Variants in AGBL4 observed in about 807,000 individuals in gnomAD.
The protein encoded by AGBL4 is cytosolic carboxypeptidase 6.
Under a neutral mutation model 66.4 loss-of-function variants are expected in AGBL4, and 58 were observed. The ratio of observed to expected loss-of-function variants is 0.87; its 90% confidence interval spans 0.71 to 1.09. The LOEUF is 1.09. Among genes scored for constraint, AGBL4 ranks in the 50% least tolerant of loss-of-function variants. The pLI, the probability that AGBL4 is intolerant of heterozygous loss-of-function variation, is 0.00. For missense variants in AGBL4, 579 were observed against 631.0 expected (o/e 0.92, Z 0.88); for synonymous variants, 234 against 222.9 (o/e 1.05, Z -0.44).
In AGBL4 at chr1:49,047,200, A is replaced by G. The variant is rs529544750; in HGVS notation, c.378-1400T>C. On this transcript the variant is annotated intron_variant, in intron 4 of 13. Transcript: ENST00000371839. ...TTGATGCCTGTACATACATTTGATTATATTAAATTTAATTAAATATTCTGG... is the reference window on the plus strand; with the variant it reads ...TTGATGCCTGTACATACATTTGATTGTATTAAATTTAATTAAATATTCTGG... Among the ~76,000 whole-genome samples, 337 of 152,266 alleles carry G rather than the reference A, an allele frequency of 2.2e-3. 1 individual carries two copies. The highest frequency in any genetic ancestry group is 7.9e-3 in the African/African-American group (327 of 41,540).
intron 5 of AGBL4, among the ~76,000 whole-genome samples, chr1:49,027,769 A>G (rs185454002): frequency 6.6e-6 from 1 of 152,286 alleles, no homozygotes; most frequent in Admixed American, 6.5e-5. Context: ...CATAGAATGA[A>G]AACTCTAAAC....
At chr1:49,249,753 AAG>A (rs1651906812) in intron 3 of AGBL4, among the ~76,000 whole-genome samples, 1 of 152,182 alleles carries the variant, frequency 6.6e-6, no homozygotes, top group African/African-American at 2.4e-5. Context: ...CAGTACATCA[AAG>A]AGGTATCTGC....
At chr1:48,943,617 G>A (rs1408583840) in intron 5 of AGBL4, among the ~76,000 whole-genome samples, 1 of 152,208 alleles carries the variant, frequency 6.6e-6, no homozygotes, top group Admixed American at 6.5e-5. Flanking sequence ...AGATGAGTAA[G>A]ACATAATTCC....
chr1:49,647,884 T>C (rs936825150), intron 3 of AGBL4, among the ~76,000 whole-genome samples: 11 of 150,050 alleles, frequency 7.3e-5, no homozygotes, highest in Admixed American at 4.0e-4. Flanking sequence ...TGAGGACTAA[T>C]TGTAGAACTA....
rs908973756 is a variant in AGBL4, at chr1:49,508,740, C to T, written c.282+188573G>A. On this transcript the variant is annotated intron_variant, in intron 3 of 13. Transcript: ENST00000371839. ...ATTTCATCCGTAAAATGAAAATAATCATGACCATCTCACATGATTATTGTG... is the reference window on the plus strand; with the variant it reads ...ATTTCATCCGTAAAATGAAAATAATTATGACCATCTCACATGATTATTGTG... Among the ~76,000 whole-genome samples, 6 of 151,984 alleles carry T rather than the reference C, an allele frequency of 3.9e-5. No homozygotes were observed. The South Asian group carries it at 1.2e-3, about 32-fold the overall frequency.
chr1:48,765,572 C>T lies in AGBL4; in HGVS notation c.634+101619G>A, dbSNP rs147418418. Reference sequence around the variant, plus strand: ...GCAATTCCGCTCCTGGGTGTATATGCAAGATAAATGAAAACATATACCCAA... The same window carrying T: ...GCAATTCCGCTCCTGGGTGTATATGTAAGATAAATGAAAACATATACCCAA... On this transcript the variant is annotated intron_variant, in intron 6 of 13. Transcript: ENST00000371839. Among the ~76,000 whole-genome samples the T allele has an allele frequency of 4.6e-5, 7 of 152,168 alleles. No homozygotes were observed. In the East Asian group the frequency reaches 1.4e-3, roughly 29 times the overall value.
At chr1:49,524,004 C>T (rs1220163204) in intron 3 of AGBL4, among the ~76,000 whole-genome samples, 3 of 151,998 alleles carry the variant, frequency 2.0e-5, no homozygotes, top group Non-Finnish European at 4.4e-5. Context: ...ACAGCACTAA[C>T]AATTTCTTGA....
At chr1:49,561,407 T>G (rs1310307915) in intron 3 of AGBL4, among the ~76,000 whole-genome samples, 1 of 151,868 alleles carries the variant, frequency 6.6e-6, no homozygotes, top group African/African-American at 2.4e-5. Context: ...GCTGCACCCA[T>G]TGACTCGTCA....
At chr1:49,734,117 T>C (rs1164482618) in intron 2 of AGBL4, among the ~76,000 whole-genome samples, 3 of 152,090 alleles carry the variant, frequency 2.0e-5, no homozygotes, top group African/African-American at 7.2e-5. Context: ...TGATATACTA[T>C]GAGTAGAAGG....
intron 5 of AGBL4, among the ~76,000 whole-genome samples, chr1:48,885,005 G>T (rs1039032060): frequency 6.7e-5 from 10 of 150,176 alleles, no homozygotes; most frequent in African/African-American, 2.4e-4. Flanking sequence ...AGGTAAAAAA[G>T]CAACAGGGGA....
In AGBL4 at chr1:49,328,882, T is replaced by C. The variant is rs556899003; in HGVS notation, c.283-83018A>G. On this transcript the variant is annotated intron_variant, in intron 3 of 13. Transcript: ENST00000371839. Reference sequence around the variant, plus strand: ...CAGTGCCCTCTATCCTTGGGCCATCTTAGTGTAGGATCTTAATTTCCTATA... The same window carrying C: ...CAGTGCCCTCTATCCTTGGGCCATCCTAGTGTAGGATCTTAATTTCCTATA... 2.0e-5 allele frequency among the ~76,000 whole-genome samples: 3 copies of C among 152,326 alleles called. No homozygotes were observed. In the South Asian group the frequency reaches 6.2e-4, roughly 32 times the overall value.
intron 7 of AGBL4, among the ~76,000 whole-genome samples, chr1:48,654,177 G>T (rs115847703): frequency 0.064 from 9,814 of 152,156 alleles, 1,011 homozygotes; most frequent in African/African-American, 0.22. Context: ...CTTGAATGGA[G>T]CAAATCTTCC....
At chr1:49,019,347 G>A (rs1663069214) in intron 5 of AGBL4, among the ~76,000 whole-genome samples, 2 of 152,150 alleles carry the variant, frequency 1.3e-5, no homozygotes, top group Admixed American at 1.3e-4. Flanking sequence ...TCAGTAGGAG[G>A]AGGCCCCACC....
At chr1:49,036,564 CTTAT>C (rs967915167) in intron 5 of AGBL4, among the ~76,000 whole-genome samples, 4 of 151,692 alleles carry the variant, frequency 2.6e-5, no homozygotes, top group South Asian at 2.1e-4. Context: ...ATATGATTGT[CTTAT>C]TTATTTATTT....
intron 6 of AGBL4, among the ~76,000 whole-genome samples, chr1:48,819,695 A>C (rs1646267741): frequency 6.6e-6 from 1 of 152,210 alleles, no homozygotes; most frequent in Non-Finnish European, 1.5e-5. Flanking sequence ...TGGAGGAAAA[A>C]CAAGCTCCAG....
intron 3 of AGBL4, among the ~76,000 whole-genome samples, chr1:49,612,512 G>A (rs571032485): frequency 1.1e-4 from 16 of 152,178 alleles, no homozygotes; most frequent in Non-Finnish European, 2.1e-4. Flanking sequence ...AAACGATATG[G>A]AACTTAAGCA....
In AGBL4 at chr1:49,547,526, T is replaced by C. The variant is rs145310845; in HGVS notation, c.282+149787A>G. Among the ~76,000 whole-genome samples the C allele has an allele frequency of 8.6e-3, 1,307 of 152,296 alleles. 20 individuals carry two copies. Among genetic ancestry groups the C allele is most frequent in the African/African-American group, 0.03 (1,228 of 41,570 alleles). ...CCATATGAATTTTAGAATTGCTTTT[T>C]CTAATTCTGTAAAGAATGATGGTGG... On this transcript the variant is annotated intron_variant, in intron 3 of 13. Transcript: ENST00000371839.
intron 4 of AGBL4, among the ~76,000 whole-genome samples, chr1:49,161,909 T>G (rs149729116): frequency 6.6e-6 from 1 of 152,314 alleles, no homozygotes; most frequent in African/African-American, 2.4e-5. Context: ...TGTGTGGTCT[T>G]GAGAAATTTT....
rs1186915086 is a variant in AGBL4, at chr1:49,530,278, A to AAAAAAAAAAAAAAAAAAAAC, written c.282+167034_282+167035insGTTTTTTTTTTTTTTTTTTT. 3.1e-4 allele frequency among the ~76,000 whole-genome samples: 45 copies of AAAAAAAAAAAAAAAAAAAAC among 145,170 alleles called. 2 individuals carry two copies. The highest frequency in any genetic ancestry group is 8.7e-4 in the South Asian group (4 of 4,616). ...AATTTGTAAAAAAAAAAAAACAAAA[A>AAAAAAAAAAAAAAAAAAAAC]AAAACTCTATGAGTTTTTTTTTATT... On this transcript the variant is annotated intron_variant, in intron 3 of 13. Coordinates refer to ENST00000371839, the MANE Select transcript of AGBL4 (RefSeq NM_032785.4).
Sources: allele counts gnomAD v4.1 joint callset (sites outside exome capture counted in the v4.1 genomes callset), GRCh38; gene constraint gnomAD v4.1.1; transcripts MANE v1.5; gene names NCBI Gene and HGNC (gene_info 2026-07-23, HGNC 2026-07-21).